Variants in RHBDL2 observed in about 807,000 individuals in gnomAD.
The protein encoded by RHBDL2 is rhomboid-related protein 2.
Under a neutral mutation model 31.7 loss-of-function variants are expected in RHBDL2, and 26 were observed. That is an observed-to-expected ratio of 0.82 (90% CI 0.60 to 1.14). The LOEUF (loss-of-function observed/expected upper bound fraction) is 1.14, where lower values mean the gene tolerates loss of function less well. Ranked by LOEUF, RHBDL2 falls within the 50% of genes most tolerant of loss-of-function variation. RHBDL2 has a pLI of 0.00. For missense variants in RHBDL2, 336 were observed against 364.4 expected (o/e 0.92, Z 0.63); for synonymous variants, 123 against 127.2 (o/e 0.97, Z 0.22).
intron 1 of RHBDL2, chr1:38,929,683 G>A: frequency 2.9e-6 from 2 of 684,008 alleles, no homozygotes; most frequent in Non-Finnish European, 1.8e-6. Flanking sequence ...GCCCAGCTGG[G>A]GCTGCCAGGG....
chr1:38,897,670 G>A (rs1482859130), intron 4 of RHBDL2, among the ~76,000 whole-genome samples: 2 of 152,118 alleles, frequency 1.3e-5, no homozygotes, highest in Non-Finnish European at 2.9e-5. Context: ...AGCTATCATC[G>A]TGCCACTGCG....
intron 1 of RHBDL2, among the ~76,000 whole-genome samples, chr1:38,925,029 C>T (rs1307420756): frequency 2.6e-5 from 4 of 151,720 alleles, no homozygotes; most frequent in Non-Finnish European, 5.9e-5. Context: ...GATCCATCCA[C>T]CTAGGCCTCA....
chr1:38,927,430 A>G (rs1239573822), intron 1 of RHBDL2, among the ~76,000 whole-genome samples: 2 of 152,134 alleles, frequency 1.3e-5, no homozygotes, highest in Non-Finnish European at 2.9e-5. Flanking sequence ...CCATCTCAAA[A>G]AAAAAGAAAA....
chr1:38,920,561 T>C (rs948149047), intron 1 of RHBDL2, among the ~76,000 whole-genome samples: 2 of 152,000 alleles, frequency 1.3e-5, no homozygotes, highest in Non-Finnish European at 2.9e-5. Context: ...ACATTTGGGT[T>C]GTTTCCACCT....
chr1:38,927,774 C>T (rs1643394085), intron 1 of RHBDL2, among the ~76,000 whole-genome samples: 4 of 152,166 alleles, frequency 2.6e-5, no homozygotes, highest in Non-Finnish European at 5.9e-5. Flanking sequence ...TTACTGTGTG[C>T]CAGCATCCAG....
intron 1 of RHBDL2, among the ~76,000 whole-genome samples, chr1:38,932,096 A>G (rs1307974377): frequency 6.6e-6 from 1 of 152,122 alleles, no homozygotes; most frequent in African/African-American, 2.4e-5. Context: ...GCCTAACACC[A>G]TATAACCTAA....
chr1:38,930,793 G>C (rs1350548479), intron 1 of RHBDL2, among the ~76,000 whole-genome samples: 2 of 152,176 alleles, frequency 1.3e-5, no homozygotes, highest in African/African-American at 2.4e-5. Context: ...GCTTTCAGTA[G>C]ATATTTGTGG....
chr1:38,922,713 A>G (rs2124343411), intron 1 of RHBDL2, among the ~76,000 whole-genome samples: 1 of 148,330 alleles, frequency 6.7e-6, no homozygotes, highest in African/African-American at 2.5e-5. Context: ...AGTCTCTAAC[A>G]TTTCCTCATC....
chr1:38,902,356 C>G (rs187762563), intron 4 of RHBDL2, among the ~76,000 whole-genome samples: 1 of 150,140 alleles, frequency 6.7e-6, no homozygotes, highest in South Asian at 2.1e-4. Context: ...CAGGTGTGCA[C>G]CACCAAGCTA....
intron 1 of RHBDL2, among the ~76,000 whole-genome samples, chr1:38,928,628 T>C (rs1308659875): frequency 6.6e-6 from 1 of 151,056 alleles, no homozygotes; most frequent in Non-Finnish European, 1.5e-5. Flanking sequence ...GTATTTTTAG[T>C]AGAGATGGGG....
At chr1:38,891,599 C>G (rs1045761578) in intron 6 of RHBDL2, among the ~76,000 whole-genome samples, 4 of 152,146 alleles carry the variant, frequency 2.6e-5, no homozygotes, top group African/African-American at 9.7e-5. Flanking sequence ...CAGATACTCA[C>G]TCTCCCTTCT....
At chr1:38,896,124 A>T in intron 4 of RHBDL2, 55 bp from the exon 5 acceptor site, 13 of 1,260,266 alleles carry the variant, frequency 1.0e-5, no homozygotes, top group South Asian at 5.1e-5. Context: ...AGGAAAGATA[A>T]ATCTTTCTAA....
At chr1:38,892,790 C>T (rs1261129315) in intron 6 of RHBDL2, among the ~76,000 whole-genome samples, 1 of 152,154 alleles carries the variant, frequency 6.6e-6, no homozygotes, top group Non-Finnish European at 1.5e-5. Context: ...TCTCCACAAG[C>T]CCAGCTGCCG....
At chr1:38,917,300 C>A (rs867028355) in intron 2 of RHBDL2, among the ~76,000 whole-genome samples, 67 of 152,140 alleles carry the variant, frequency 4.4e-4, no homozygotes, top group African/African-American at 1.6e-3. Flanking sequence ...TACAGGCGTG[C>A]ACCACTGCGC....
At chr1:38,917,694 A>G (rs952859593) in intron 2 of RHBDL2, among the ~76,000 whole-genome samples, 4 of 152,210 alleles carry the variant, frequency 2.6e-5, no homozygotes, top group African/African-American at 7.2e-5. Context: ...GAAAAAAATT[A>G]GAACTGTGCC....
rs183008750 is a variant in RHBDL2 at position 38,934,739 on chromosome 1, C to T, written c.-126+6943G>A. On this transcript the variant is annotated intron_variant, in intron 1 of 7. Transcript: ENST00000372990. ...TTGGGGGGCCGAGGCGGGCAGATCA[C>T]GAGGTCAAGAGTTTGAGACCAGCCT... 2.5e-3 allele frequency among the ~76,000 whole-genome samples: 366 copies of T among 146,036 alleles called. 4 individuals carry two copies. Among genetic ancestry groups the T allele is most frequent in the Admixed American group, 0.022 (324 of 14,474 alleles).
intron 1 of RHBDL2, among the ~76,000 whole-genome samples, chr1:38,937,985 C>A (rs1643527660): frequency 6.6e-6 from 1 of 151,936 alleles, no homozygotes; most frequent in Admixed American, 6.6e-5. Context: ...AGCCTCACTT[C>A]TGAAATGCAA....
chr1:38,925,895 G>A (rs1475700706), intron 1 of RHBDL2: 1 of 1,216,204 alleles, frequency 8.2e-7, no homozygotes, highest in Non-Finnish European at 1.1e-6. Context: ...AACAGGCAAA[G>A]CCAATCATTC....
intron 1 of RHBDL2, among the ~76,000 whole-genome samples, chr1:38,935,706 G>A (rs1360326209): frequency 4.0e-5 from 6 of 151,866 alleles, no homozygotes; most frequent in East Asian, 1.9e-4. Flanking sequence ...TCTGCCTCCC[G>A]GGTTCAAGCT....
Sources: gnomAD v4.1 joint callset for allele counts (sites outside exome capture counted in the v4.1 genomes callset) on GRCh38, gnomAD v4.1.1 for gene constraint, MANE v1.5 for transcripts, NCBI Gene and HGNC (gene_info 2026-07-23, HGNC 2026-07-21) for gene names.